SPG11: variants seen among roughly 807,000 people sequenced by gnomAD.
SPG11 encodes spatacsin.
SPG11 carries 222 observed loss-of-function variants against 274.0 expected under a neutral mutation model. The ratio of observed to expected loss-of-function variants is 0.81; its 90% CI spans 0.73 to 0.91. The LOEUF (loss-of-function observed/expected upper bound fraction) is 0.91. SPG11 is among the 40% of genes least tolerant of loss of function. The probability of loss-of-function intolerance (pLI) is 0.00; values close to 1 mark genes in which losing one functional copy is unlikely to be tolerated. For synonymous variants in SPG11, 1,144 were observed against 1,039.7 expected (o/e 1.10, Z -1.93); for missense variants, 3,114 against 2,872.7 (o/e 1.08, Z -1.92).
rs1438765066 is a variant in SPG11 at position 44,629,365 on chromosome 15, A to C, written c.1759T>G (p.Leu587Val). Reference protein sequence around the residue: ...LRNVEELIPALDLLCSAIRES... With the variant: ...LRNVEELIPAVDLLCSAIRES... ...CTAATTGCCGAGCAAAGTAAATCCA[A>C]TGCTGGTATCAGCTCTTCCACATCT... is the stretch of plus-strand genomic sequence containing the variant. Residue 587 changes from leucine to valine, a missense_variant, in exon 9 of 40, where the codon TTG (leucine) becomes GTG (valine). Leu to Val is a conservative substitution (Grantham distance 32, BLOSUM62 1). Coordinates refer to ENST00000261866, the MANE Select transcript of SPG11 (RefSeq NM_025137.4). 23 of 1,614,060 alleles carry C rather than the reference A, an allele frequency of 1.4e-5. No individual in the cohort carries two copies. Among genetic ancestry groups the C allele is most frequent in the Non-Finnish European group, 1.9e-5 (22 of 1,180,040 alleles).
chr15:44,591,105 CCTCTT>C (rs1243216461), intron 27 of SPG11, among the ~76,000 whole-genome samples: 1 of 152,300 alleles, frequency 6.6e-6, no homozygotes, highest in East Asian at 1.9e-4. Flanking sequence ...CATTTCTCAT[CCTCTT>C]CTCTTAAATT....
At chr15:44,589,462 G>T in intron 27 of SPG11, 48 bp from the exon 28 acceptor site, 1 of 1,610,750 alleles carries the variant, frequency 6.2e-7, no homozygotes. Context: ...CATGAGAATA[G>T]CAAATCAAAA....
At chr15:44,597,150 G>C in intron 23 of SPG11, 1 of 431,048 alleles carries the variant, frequency 2.3e-6, no homozygotes, top group African/African-American at 2.9e-5. Context: ...TTTCGCTCTT[G>C]TTGCCTAGGC....
chr15:44,600,305 G>T, intron 21 of SPG11, 162 bp downstream of exon 21: 5 of 688,950 alleles, frequency 7.3e-6, no homozygotes, highest in Admixed American at 2.7e-5. Flanking sequence ...TTTTGTTTTA[G>T]TGGCAGAGCC....
At position 44,563,289 on chromosome 15, in the gene SPG11, ATGT is replaced by A. The variant is rs376599651; in HGVS notation, c.7161_7163del (p.Gln2387del). 1.2e-4 allele frequency: 196 copies of A among 1,613,298 alleles called. No homozygotes were observed. In the African/African-American group the frequency reaches 1.8e-3, roughly 14 times the overall value. Reference sequence around the variant, plus strand: ...TTTCCATGACCATGTCAGTAGGCTGATGTTGTTTATATCTAGATAAAGAAACAT... The same window carrying A: ...TTTCCATGACCATGTCAGTAGGCTGATGTTTATATCTAGATAAAGAAACAT... On this transcript the variant is annotated inframe_deletion, in exon 40 of 40. Coordinates refer to ENST00000261866, the MANE Select transcript of SPG11 (RefSeq NM_025137.4).
intron 30 of SPG11, among the ~76,000 whole-genome samples, chr15:44,576,630 C>A (rs1211119985): frequency 1.3e-5 from 2 of 148,290 alleles, no homozygotes; most frequent in African/African-American, 2.5e-5. Context: ...GCCTGGGCGA[C>A]AGAGCGAGAC....
rs397853802 is a variant in SPG11, at chr15:44,567,349, CA to C, written c.6754+74del. ...CTGGGGACAGAGCGAGACTCTGTCT[CA>C]AAAAAAAAAAAAAAAAAGGAATTTT... On this transcript the variant is annotated intron_variant, in intron 36 of 39. Transcript: ENST00000261866. The C allele has an allele frequency of 0.19, 215,796 of 1,125,588 alleles. 756 individuals carry two copies. Among genetic ancestry groups the C allele is most frequent in the African/African-American group, 0.3 (14,419 of 47,778 alleles). The allele number at this position is 1,125,588 out of a possible 1,614,324, so 69.7% of individuals were successfully genotyped here.
intron 4 of SPG11, among the ~76,000 whole-genome samples, chr15:44,652,797 G>A (rs982126864): frequency 1.3e-5 from 2 of 152,022 alleles, no homozygotes; most frequent in South Asian, 2.1e-4. Flanking sequence ...TGGGACTGCA[G>A]GTGCATGCCA....
intron 32 of SPG11, among the ~76,000 whole-genome samples, 160 bp from the exon 33 acceptor site, chr15:44,572,980 C>CTTTTTTTTTTTTTTTT (rs974510197): frequency 1.2e-5 from 1 of 83,302 alleles, no homozygotes; most frequent in African/African-American, 5.1e-5. Flanking sequence ...GACAGGAGTT[C>CTTTTTTTTTTTTTTTT]TTTTTTTTTT....
intron 28 of SPG11, chr15:44,588,505 G>A (rs1324444296): frequency 6.0e-6 from 1 of 166,110 alleles, no homozygotes; most frequent in South Asian, 1.3e-4. Flanking sequence ...TATTATATAA[G>A]AATAATTATA....
intron 27 of SPG11, among the ~76,000 whole-genome samples, chr15:44,591,797 ACTT>A (rs1469487007): frequency 6.6e-6 from 1 of 151,962 alleles, no homozygotes; most frequent in Non-Finnish European, 1.5e-5. Context: ...ACAAAGCAAG[ACTT>A]CTTCTCTATA....
intron 4 of SPG11, among the ~76,000 whole-genome samples, chr15:44,655,977 A>C (rs1284428413): frequency 6.6e-6 from 1 of 152,134 alleles, no homozygotes; most frequent in Non-Finnish European, 1.5e-5. Flanking sequence ...TGACTGGGAG[A>C]AACTGTAACT....
At chr15:44,573,783 A>G in intron 31 of SPG11, 38 bp from the exon 32 acceptor site, 1 of 1,608,570 alleles carries the variant, frequency 6.2e-7, no homozygotes, top group Non-Finnish European at 8.5e-7. Context: ...CCACTTTTAG[A>G]AGCCAGGAAA....
At chr15:44,628,509 T>G (rs574001204) in intron 10 of SPG11, among the ~76,000 whole-genome samples, 160 bp downstream of exon 10, 1 of 152,310 alleles carries the variant, frequency 6.6e-6, no homozygotes, top group African/African-American at 2.4e-5. Context: ...AGACATAAAT[T>G]TGAAGTCATA....
intron 1 of SPG11, 37 bp downstream of exon 1, chr15:44,663,354 G>A (rs773988583): frequency 6.3e-7 from 1 of 1,593,950 alleles, no homozygotes; most frequent in Admixed American, 1.7e-5. Flanking sequence ...CTAGGCTCTG[G>A]ACTCCCCCAA....
intron 21 of SPG11, 138 bp downstream of exon 21, chr15:44,600,329 G>C: frequency 2.3e-6 from 2 of 879,212 alleles, no homozygotes; most frequent in Admixed American, 1.9e-5. Context: ...CTGTCACCCA[G>C]GCTAGAGTGC....
intron 31 of SPG11, 125 bp from the exon 32 acceptor site, chr15:44,573,870 G>T: frequency 2.3e-6 from 2 of 868,446 alleles, no homozygotes; most frequent in Non-Finnish European, 3.7e-6. Flanking sequence ...CTCACCCTCA[G>T]CAGGAACCTT....
At chr15:44,614,635 A>G (rs1038990922) in intron 16 of SPG11, among the ~76,000 whole-genome samples, 1 of 152,252 alleles carries the variant, frequency 6.6e-6, no homozygotes, top group Admixed American at 6.5e-5. Flanking sequence ...TCTTCCACTT[A>G]TTAGCTGTGT....
chr15:44,572,211 T>C (rs1447969093), intron 33 of SPG11, among the ~76,000 whole-genome samples: 2 of 152,168 alleles, frequency 1.3e-5, no homozygotes, highest in African/African-American at 2.4e-5. Context: ...AGTAAAAAAA[T>C]TATAAACTAT....
Sources: gnomAD v4.1 joint callset for allele counts (sites outside exome capture counted in the v4.1 genomes callset) on GRCh38, gnomAD v4.1.1 for gene constraint, MANE v1.5 for transcripts, NCBI Gene and HGNC (gene_info 2026-07-23, HGNC 2026-07-21) for gene names.